SUMF1: variants seen among roughly 807,000 people sequenced by gnomAD.
The protein encoded by SUMF1 is sulfatase modifying factor 1, also known as formylglycine-generating enzyme.
In SUMF1, 48 loss-of-function variants were observed where a neutral mutation model predicts 47.6. The observed-to-expected ratio is 1.01, with a 90% CI of 0.80 to 1.28. The LOEUF (loss-of-function observed/expected upper bound fraction) is 1.28, where lower values mean the gene tolerates loss of function less well. Among genes scored for constraint, SUMF1 ranks in the 50% most tolerant of loss-of-function variants. SUMF1 has a pLI of 0.00. For synonymous variants in SUMF1, 230 were observed against 192.1 expected (o/e 1.20, Z -1.63); for missense variants, 571 against 485.4 (o/e 1.18, Z -1.66).
chr3:4,376,195 C>A, intron 8 of SUMF1, 135 bp downstream of exon 8: 1 of 1,091,402 alleles, frequency 9.2e-7, no homozygotes, highest in Admixed American at 1.7e-5. Context: ...GACTGTCCTC[C>A]TTTTTTTCTG....
At chr3:4,060,285 A>G (rs1001475441) in intron 9 of SUMF1, among the ~76,000 whole-genome samples, 6 of 152,182 alleles carry the variant, frequency 3.9e-5, no homozygotes, top group Admixed American at 1.3e-4. Context: ...CTCTTAATCC[A>G]TGTCTGGCCT....
rs1163649366 is a variant in SUMF1 at position 4,318,473 on chromosome 3, C to T, written c.1014+57857G>A. Among the ~76,000 whole-genome samples, 36 of 152,244 alleles carry T rather than the reference C, an allele frequency of 2.4e-4. 1 individual carries two copies. Among genetic ancestry groups the T allele is most frequent in the Admixed American group, 2.2e-3 (34 of 15,294 alleles). ...CCTGAGAAAGGATATCTATGAAGAC[C>T]CACAGCTAACATCATACATAATGAT... On this transcript the variant is annotated intron_variant and NMD_transcript_variant, in intron 8 of 12. Transcript: ENST00000448413.
intron 8 of SUMF1, among the ~76,000 whole-genome samples, chr3:4,224,983 T>C (rs1696142807): frequency 6.6e-6 from 1 of 152,100 alleles, no homozygotes; most frequent in Admixed American, 6.6e-5. Flanking sequence ...CAAATTGGGT[T>C]TGTCTTGGAC....
At chr3:4,276,799 G>A (rs1161180219) in intron 8 of SUMF1, among the ~76,000 whole-genome samples, 3 of 151,992 alleles carry the variant, frequency 2.0e-5, no homozygotes, top group Non-Finnish European at 4.4e-5. Context: ...TATTTTCTAG[G>A]TAAATTCCCA....
intron 8 of SUMF1, among the ~76,000 whole-genome samples, chr3:4,089,110 A>G (rs1270358315): frequency 6.6e-6 from 1 of 152,136 alleles, no homozygotes; most frequent in Non-Finnish European, 1.5e-5. Context: ...AATAACATGA[A>G]GTGCAGATTA....
intron 3 of SUMF1, among the ~76,000 whole-genome samples, chr3:4,438,808 T>C (rs1702484395): frequency 6.6e-6 from 1 of 152,146 alleles, no homozygotes; most frequent in Admixed American, 6.5e-5. Context: ...CAACTTCCTA[T>C]AATGGATATG....
At chr3:4,385,029 G>A (rs1158051764) in intron 7 of SUMF1, among the ~76,000 whole-genome samples, 1 of 151,944 alleles carries the variant, frequency 6.6e-6, no homozygotes, top group African/African-American at 2.4e-5. Flanking sequence ...GGGATTACAG[G>A]CACGCACCAC....
intron 9 of SUMF1, among the ~76,000 whole-genome samples, chr3:4,059,824 G>A (rs1027998330): frequency 6.7e-6 from 1 of 150,268 alleles, no homozygotes; most frequent in Non-Finnish European, 1.5e-5. Context: ...CTTGAGCTGA[G>A]ATCTGAAAAG....
At position 4,350,386 on chromosome 3, in the gene SUMF1, A is replaced by C. The variant is rs911121302; in HGVS notation, c.1014+25944T>G. Among the ~76,000 whole-genome samples, 5 of 119,754 alleles carry C rather than the reference A, an allele frequency of 4.2e-5. No individual in the cohort carries two copies. In the East Asian group the frequency reaches 1.6e-3, roughly 39 times the overall value. The allele number at this position is 119,754 out of a possible 152,430, so 78.6% of individuals were successfully genotyped here. A position where few individuals can be genotyped will look rare whatever the true frequency, so the allele number is the denominator to read the frequency against. On this transcript the variant is annotated intron_variant and NMD_transcript_variant, in intron 8 of 12. Coordinates refer to the SUMF1 transcript ENST00000448413. ...GTGTGTGTATAATTGTGTGTGTATA[A>C]TTGTGTGTATATATATTCAATATAT...
At chr3:4,156,909 A>AAAATGCATGTGTCTTCATATGC (rs1292709428) in intron 8 of SUMF1, among the ~76,000 whole-genome samples, 2 of 151,718 alleles carry the variant, frequency 1.3e-5, no homozygotes, top group Non-Finnish European at 2.9e-5. Context: ...TGCTGATTAT[A>AAAATGCATGTGTCTTCATATGC]AAATGCATGT....
At chr3:4,239,165 T>G (rs1046507226) in intron 8 of SUMF1, among the ~76,000 whole-genome samples, 18 of 152,198 alleles carry the variant, frequency 1.2e-4, no homozygotes, top group Non-Finnish European at 4.4e-5. Flanking sequence ...CCATGCTATT[T>G]TGGTTACTGT....
rs114939237 is a variant in SUMF1, at chr3:4,124,342, T to A, written c.1015-55597A>T. ...TATCTTGGAAAGTAGGAGAAGATAATGAGGTCAGTTTGGTACAAGTAATGT... is the reference window on the plus strand; with the variant it reads ...TATCTTGGAAAGTAGGAGAAGATAAAGAGGTCAGTTTGGTACAAGTAATGT... On this transcript the variant is annotated intron_variant and NMD_transcript_variant, in intron 8 of 12. Transcript: ENST00000448413. Among the ~76,000 whole-genome samples the A allele has an allele frequency of 1.1e-3, 167 of 152,280 alleles. 1 individual carries two copies. The highest frequency in any genetic ancestry group is 3.8e-3 in the African/African-American group (159 of 41,560).
intron 8 of SUMF1, among the ~76,000 whole-genome samples, chr3:4,354,420 A>T (rs1430750746): frequency 2.0e-5 from 3 of 151,194 alleles, no homozygotes; most frequent in African/African-American, 7.3e-5. Context: ...TCCACAAATG[A>T]CTTTTCCATT....
intron 8 of SUMF1, among the ~76,000 whole-genome samples, chr3:4,345,512 C>T (rs1699356558): frequency 6.6e-6 from 1 of 152,150 alleles, no homozygotes; most frequent in Non-Finnish European, 1.5e-5. Flanking sequence ...ACAGGCCTGC[C>T]CTGCAAGAGC....
intron 8 of SUMF1, among the ~76,000 whole-genome samples, chr3:4,220,529 C>T (rs1364667942): frequency 6.6e-6 from 1 of 151,902 alleles, no homozygotes; most frequent in African/African-American, 2.4e-5. Context: ...TTTGTCCTCA[C>T]TTCCTCTCTT....
intron 8 of SUMF1, among the ~76,000 whole-genome samples, chr3:4,225,855 C>G (rs148350438): frequency 6.6e-6 from 1 of 152,072 alleles, no homozygotes; most frequent in South Asian, 2.1e-4. Flanking sequence ...TTGAATAACC[C>G]CAGTCAGACA....
At chr3:4,236,185 C>A (rs1231346345) in intron 8 of SUMF1, among the ~76,000 whole-genome samples, 5 of 152,028 alleles carry the variant, frequency 3.3e-5, no homozygotes, top group Non-Finnish European at 7.4e-5. Context: ...ATCCTTCCAC[C>A]TAGATAGTAA....
At chr3:4,458,510 A>C (rs1434482107) in intron 1 of SUMF1, among the ~76,000 whole-genome samples, 1 of 152,262 alleles carries the variant, frequency 6.6e-6, no homozygotes, top group African/African-American at 2.4e-5. Flanking sequence ...TGGATAAAGA[A>C]AATGTTTATA....
chr3:4,279,176 T>A (rs1697480262), intron 8 of SUMF1, among the ~76,000 whole-genome samples: 1 of 152,142 alleles, frequency 6.6e-6, no homozygotes, highest in Admixed American at 6.6e-5. Context: ...CACCAGCCAC[T>A]TCATTTGACA....
Sources: gnomAD v4.1 joint callset for allele counts (sites outside exome capture counted in the v4.1 genomes callset) on GRCh38, gnomAD v4.1.1 for gene constraint, MANE v1.5 for transcripts, NCBI Gene and HGNC (gene_info 2026-07-23, HGNC 2026-07-21) for gene names.